CEP78: variants seen among roughly 807,000 people sequenced by gnomAD.
The protein encoded by CEP78 is centrosomal protein 78.
A neutral mutation model predicts 81.2 loss-of-function variants in CEP78; 76 were observed. The observed-to-expected ratio is 0.94, with a 90% CI of 0.78 to 1.13. The LOEUF is 1.13. CEP78 is among the 50% of genes most tolerant of loss of function. The pLI is 0.00. For synonymous variants in CEP78, 293 were observed against 301.4 expected (o/e 0.97, Z 0.29); for missense variants, 918 against 846.8 (o/e 1.08, Z -1.04).
rs72743773 is a variant in CEP78 at position 78,262,762 on chromosome 9, A to G, written c.1381-145A>G. 8.1e-3 allele frequency: 3,804 copies of G among 469,694 alleles called. 14 individuals carry two copies. The highest frequency in any genetic ancestry group is 0.011 in the Non-Finnish European group (2,990 of 263,354). The allele number at this position is 469,694 out of a possible 1,614,324, so 29.1% of individuals were successfully genotyped here. On this transcript the variant is annotated intron_variant, in intron 11 of 16. Coordinates refer to ENST00000643273, the MANE Select transcript of CEP78 (RefSeq NM_001330691.3). ...ATTAATTTCCCTAGCATGGTATGAT[A>G]TTATACAAGCAGTAGGCTATAATCC...
At chr9:78,257,340 A>G (rs1048364687) in intron 11 of CEP78, among the ~76,000 whole-genome samples, 16 of 152,344 alleles carry the variant, frequency 1.1e-4, no homozygotes, top group African/African-American at 3.8e-4. Context: ...ATTCCCATCC[A>G]GCCAAACTGT....
chr9:78,259,855 A>G (rs1827196188), intron 11 of CEP78, among the ~76,000 whole-genome samples: 1 of 152,238 alleles, frequency 6.6e-6, no homozygotes, highest in Non-Finnish European at 1.5e-5. Flanking sequence ...AAGCAAAGAA[A>G]TGCACATTTA....
intron 14 of CEP78, 147 bp from the exon 15 acceptor site, chr9:78,265,712 T>C: frequency 1.3e-6 from 1 of 742,540 alleles, no homozygotes; most frequent in Non-Finnish European, 2.2e-6. Context: ...TTTCCTTATA[T>C]TGTATTGTTG....
At position 78,276,763 on chromosome 9, in the gene CEP78, G is replaced by T. The variant is rs1188825254; in HGVS notation, c.*5912G>T. 3.3e-5 allele frequency: 5 copies of T among 152,018 alleles called. No individual in the cohort carries two copies. Among genetic ancestry groups the T allele is most frequent in the East Asian group, 1.9e-4 (1 of 5,190 alleles). The allele number at this position is 152,018 out of a possible 1,614,324, so 9.4% of individuals were successfully genotyped here. Reference sequence around the variant, plus strand: ...TAAAAGGATAAATCTATGCTAGAGGGTATAAAAGAAACACAAAAATAGAGG... The same window carrying T: ...TAAAAGGATAAATCTATGCTAGAGGTTATAAAAGAAACACAAAAATAGAGG... On this transcript the variant is annotated 3_prime_UTR_variant, in exon 17 of 17. Transcript: ENST00000643273.
intron 4 of CEP78, among the ~76,000 whole-genome samples, chr9:78,243,120 T>A (rs555486906): frequency 4.6e-5 from 7 of 152,248 alleles, no homozygotes; most frequent in Admixed American, 3.3e-4. Flanking sequence ...ATGATATGAT[T>A]TAGAGGCTCA....
chr9:78,244,231 C>T (rs1826375721), intron 5 of CEP78, among the ~76,000 whole-genome samples: 1 of 150,990 alleles, frequency 6.6e-6, no homozygotes, highest in Non-Finnish European at 1.5e-5. Flanking sequence ...CCTTAAACTC[C>T]TGGCTCAAGT....
chr9:78,267,051 AT>A (rs1827575426), intron 16 of CEP78: 1 of 1,179,214 alleles, frequency 8.5e-7, no homozygotes, highest in Non-Finnish European at 1.1e-6. Flanking sequence ...ATTTTAATAA[AT>A]TTTCTTATGT....
intron 1 of CEP78, among the ~76,000 whole-genome samples, chr9:78,239,379 G>A (rs554305118): frequency 6.6e-6 from 1 of 152,218 alleles, no homozygotes; most frequent in Admixed American, 6.5e-5. Flanking sequence ...GGACCAGTGT[G>A]TATTGGTTGC....
In CEP78 at chr9:78,241,675, TG is replaced by T; in HGVS notation, c.500-19del. 1 of 1,161,444 alleles carries T rather than the reference TG, an allele frequency of 8.6e-7. No homozygotes were observed. Among genetic ancestry groups the T allele is most frequent in the Non-Finnish European group, 1.3e-6 (1 of 783,766 alleles). 71.9% of individuals were successfully genotyped at this position (1,161,444 alleles called of 1,614,324 possible). A position where few individuals can be genotyped will look rare whatever the true frequency, so the allele number is the denominator to read the frequency against. ...TATATGCTCTTCATCTTATTGTATG[TG>T]GTTTTTTTTTCCATTTTAGTTATTT... is the stretch of plus-strand genomic sequence containing the variant. On this transcript the variant is annotated intron_variant, in intron 3 of 16. Coordinates refer to ENST00000643273, the MANE Select transcript of CEP78 (RefSeq NM_001330691.3).
chr9:78,263,020 TGTTTTG>T lies in CEP78; in HGVS notation c.1458+47_1458+52del, dbSNP rs1384200012. On this transcript the variant is annotated intron_variant, in intron 12 of 16. Coordinates refer to ENST00000643273, the MANE Select transcript of CEP78 (RefSeq NM_001330691.3). ...GTTTTCTTACCTTTTGAGAGTTTTT[TGTTTTG>T]GTTTTGGTTTAACTTTAAGTCATAC... 10 of 1,404,566 alleles carry T rather than the reference TGTTTTG, an allele frequency of 7.1e-6. No individual in the cohort carries two copies. In the African/African-American group the frequency reaches 7.3e-5, roughly 10 times the overall value. The allele number at this position is 1,404,566 out of a possible 1,614,324, so 87.0% of individuals were successfully genotyped here. A position where few individuals can be genotyped will look rare whatever the true frequency, so the allele number is the denominator to read the frequency against.
chr9:78,268,386 A>G (rs1827614842), intron 16 of CEP78, among the ~76,000 whole-genome samples: 1 of 152,206 alleles, frequency 6.6e-6, no homozygotes, highest in South Asian at 2.1e-4. Context: ...GGAGGCAGCT[A>G]GGGGAACAAG....
At position 78,257,473 on chromosome 9, in the gene CEP78, G is replaced by T. The variant is rs532825875; in HGVS notation, c.1380+2509G>T. On this transcript the variant is annotated intron_variant, in intron 11 of 16. Coordinates refer to ENST00000643273, the MANE Select transcript of CEP78 (RefSeq NM_001330691.3). ...CAAGAAGGAAGATAATAGGATATCA[G>T]GGATCAGTGGTTTCAGTGTGGAGAG... 2.6e-5 allele frequency among the ~76,000 whole-genome samples: 4 copies of T among 152,292 alleles called. No individual in the cohort carries two copies. The East Asian group carries it at 7.7e-4, about 29-fold the overall frequency.
chr9:78,251,334 G>C (rs929208843), intron 8 of CEP78, among the ~76,000 whole-genome samples: 25 of 152,044 alleles, frequency 1.6e-4, no homozygotes, highest in Non-Finnish European at 3.4e-4. Flanking sequence ...CTTACAACTT[G>C]GATAGTTTTT....
At position 78,266,657 on chromosome 9, in the gene CEP78, G is replaced by A. The variant is rs1378306567; in HGVS notation, c.2061G>A (p.Glu687=). The A allele has an allele frequency of 1.9e-6, 3 of 1,612,268 alleles. No individual in the cohort carries two copies. The highest frequency in any genetic ancestry group is 2.2e-5 in the East Asian group (1 of 44,870). ...CTGGAAGTCAAAGAAAAGAAGAGGA[G>A]TTGTCCAGAAATAGCAGATCTTCTT... ...SGTGSQRKEE[E]LSRNSRSSSE... The change falls in exon 16 of 17, where the codon GAG becomes GAA. Residue 687 remains glutamate, a synonymous_variant. Coordinates refer to ENST00000643273, the MANE Select transcript of CEP78 (RefSeq NM_001330691.3).
Position 78,241,773 on chromosome 9 carries a change from G to A in CEP78, c.577G>A (p.Ala193Thr). Residue 193 changes from alanine (A) to threonine (T), a missense_variant, in exon 4 of 17, where the codon GCA becomes ACA. Physicochemically the swap from Ala to Thr is moderately conservative, Grantham distance 58. Transcript: ENST00000643273. ...AGGATGTAATCTGACATGGCAGGGA[G>A]CAGATCACATGGCCAAGATCTTAAA... is the stretch of plus-strand genomic sequence containing the variant. ...FTGCNLTWQG[A>T]DHMAKILKYQ... 6.2e-7 allele frequency: 1 copy of A among 1,605,368 alleles called. No homozygotes were observed. Among genetic ancestry groups the A allele is most frequent in the Non-Finnish European group, 8.5e-7 (1 of 1,172,618 alleles).
chr9:78,273,627 A>C lies in CEP78; in HGVS notation c.*2776A>C, dbSNP rs1158606354. ...CTGGGTGTCATGGCGCATGCCTGTA[A>C]TCCCAGCTACTCGGGAGGCTGAGGC... On this transcript the variant is annotated 3_prime_UTR_variant, in exon 17 of 17. Transcript: ENST00000643273. 6.6e-6 allele frequency: 1 copy of C among 152,160 alleles called. No individual in the cohort carries two copies. Among genetic ancestry groups the C allele is most frequent in the African/African-American group, 2.4e-5 (1 of 41,380 alleles). The allele number at this position is 152,160 out of a possible 1,614,324, so 9.4% of individuals were successfully genotyped here.
At chr9:78,236,641 C>T in intron 1 of CEP78, 38 bp downstream of exon 1, 2 of 1,512,188 alleles carry the variant, frequency 1.3e-6, no homozygotes, top group Admixed American at 2.3e-5. Flanking sequence ...TCAGTCGGTG[C>T]GGCGAAGTGG....
Position 78,273,410 on chromosome 9 carries a change from T to G in CEP78, c.*2559T>G, listed in dbSNP as rs552936295. The stretch of plus-strand genomic sequence containing the variant: ...CTGATAAGTACAGTGTTGCAGAAGA[T>G]TTTTTAAAAAAATATATCTGCAATT... On this transcript the variant is annotated 3_prime_UTR_variant, in exon 17 of 17. Coordinates refer to ENST00000643273, the MANE Select transcript of CEP78 (RefSeq NM_001330691.3). The G allele has an allele frequency of 2.0e-5, 3 of 152,284 alleles. No individual in the cohort carries two copies. The highest frequency in any genetic ancestry group is 3.9e-4 in the East Asian group (2 of 5,180). The allele number at this position is 152,284 out of a possible 1,614,324, so 9.4% of individuals were successfully genotyped here.
In CEP78 at chr9:78,268,690, T is replaced by C. The variant is rs994708895; in HGVS notation, c.2107+1987T>C. ...AAGCAGGTTTCTTTTCTTTTTTTTT[T>C]TTTTTTTTTTGAGATGGAGTCTTGC... On this transcript the variant is annotated intron_variant, in intron 16 of 16. Transcript: ENST00000643273. 2.1e-4 allele frequency among the ~76,000 whole-genome samples: 31 copies of C among 150,160 alleles called. No homozygotes were observed. In the South Asian group the frequency reaches 6.1e-3, roughly 30 times the overall value.
Sources: gnomAD v4.1 joint callset for allele counts (sites outside exome capture counted in the v4.1 genomes callset) on GRCh38, gnomAD v4.1.1 for gene constraint, MANE v1.5 for transcripts, NCBI Gene and HGNC (gene_info 2026-07-23, HGNC 2026-07-21) for gene names.